The following KANK1 variants were observed in gnomAD, a reference collection of about 807,000 sequenced individuals.
The protein encoded by KANK1 is KN motif and ankyrin repeat domain-containing protein 1.
Under a neutral mutation model 106.2 loss-of-function variants are expected in KANK1, and 109 were observed. The observed-to-expected ratio is 1.03, with a 90% confidence interval of 0.88 to 1.20. The LOEUF (loss-of-function observed/expected upper bound fraction) is 1.20, where lower values mean the gene tolerates loss of function less well. Ranked by LOEUF, KANK1 falls within the 50% of genes most tolerant of loss-of-function variation. The probability of loss-of-function intolerance (pLI) is 0.00; values close to 1 mark genes in which losing one functional copy is unlikely to be tolerated. For synonymous variants in KANK1, 873 were observed against 652.2 expected, an observed-to-expected ratio of 1.34 and a Z score of -5.16; for missense variants, 2,399 against 1,710.7, an observed-to-expected ratio of 1.40 and a Z score of -7.10.
At chr9:650,528 G>C (rs943663216) in intron 1 of KANK1, among the ~76,000 whole-genome samples, 2 of 152,184 alleles carry the variant, frequency 1.3e-5, no homozygotes, top group African/African-American at 4.8e-5. Flanking sequence ...TGCTGGTGCT[G>C]CTGGACCACA....
At chr9:607,579 G>A (rs974851296) in intron 1 of KANK1, among the ~76,000 whole-genome samples, 15 of 150,612 alleles carry the variant, frequency 1.0e-4, no homozygotes, top group African/African-American at 3.7e-4. Context: ...TTCTTGTGCA[G>A]ATTCCTGCTC....
chr9:534,863 A>C (rs1301515362), intron 1 of KANK1, among the ~76,000 whole-genome samples: 1 of 152,224 alleles, frequency 6.6e-6, no homozygotes, highest in Non-Finnish European at 1.5e-5. Flanking sequence ...AATTTTGCCC[A>C]TGTGGGAACA....
chr9:742,464 C>A, intron 10 of KANK1, 59 bp downstream of exon 10: 2 of 1,394,890 alleles, frequency 1.4e-6, no homozygotes, highest in Non-Finnish European at 2.0e-6. Context: ...GACGGGAGCT[C>A]TGGGAGTGCC....
At chr9:666,894 T>C (rs541733884) in intron 1 of KANK1, among the ~76,000 whole-genome samples, 1 of 142,382 alleles carries the variant, frequency 7.0e-6, no homozygotes, top group Non-Finnish European at 1.5e-5. Flanking sequence ...AATTAGCCTA[T>C]TGTTGTCTTT....
Position 738,401 on chromosome 9 carries a change from C to T in KANK1, c.3450C>T (p.Val1150=). ...CTTTTGAGGCCATTTCCCCAGATGT[C>T]CTCCGCTATGTCATCAACTTGGCAG... ...IAAFEAISPD[V]LRYVINLADG... Residue 1150 remains valine, a synonymous_variant, in exon 8 of 12, where the codon GTC becomes GTT. Transcript: ENST00000382297. The T allele has an allele frequency of 1.2e-6, 2 of 1,614,132 alleles. No homozygotes were observed. Among genetic ancestry groups the T allele is most frequent in the South Asian group, 2.2e-5 (2 of 91,076 alleles).
intron 1 of KANK1, among the ~76,000 whole-genome samples, chr9:631,141 T>C (rs1183383007): frequency 1.3e-5 from 2 of 152,168 alleles, no homozygotes; most frequent in African/African-American, 4.8e-5. Flanking sequence ...TTTTGCATTG[T>C]ACCACAAATA....
At chr9:663,526 A>T (rs1843847189) in intron 1 of KANK1, among the ~76,000 whole-genome samples, 1 of 152,250 alleles carries the variant, frequency 6.6e-6, no homozygotes, top group Non-Finnish European at 1.5e-5. Flanking sequence ...TAACTGAAAA[A>T]GAGAAAGTTT....
At chr9:534,588 C>T (rs59746366) in intron 1 of KANK1, among the ~76,000 whole-genome samples, 7,925 of 152,208 alleles carry the variant, frequency 0.052, 645 homozygotes, top group African/African-American at 0.18. Flanking sequence ...TCACTCCTAG[C>T]GTGATTTTTT....
chr9:535,560 A>G (rs2060258657), intron 1 of KANK1, among the ~76,000 whole-genome samples: 1 of 152,206 alleles, frequency 6.6e-6, no homozygotes, highest in Non-Finnish European at 1.5e-5. Flanking sequence ...GGCTAAAATT[A>G]GTAACATGTA....
At chr9:541,047 A>T (rs977289161) in intron 1 of KANK1, among the ~76,000 whole-genome samples, 2 of 152,120 alleles carry the variant, frequency 1.3e-5, no homozygotes, top group African/African-American at 4.8e-5. Flanking sequence ...CTTCCTTAAT[A>T]TAGGAGTTGA....
At chr9:495,456 T>C (rs1314766042) in intron 3 of KANK1, 1 of 152,198 alleles carries the variant, frequency 6.6e-6, no homozygotes, top group Non-Finnish European at 1.5e-5. Context: ...TGGCTGGTTT[T>C]GGTGCTCAAC....
intron 1 of KANK1, among the ~76,000 whole-genome samples, chr9:635,681 A>G (rs1836932665): frequency 7.2e-6 from 1 of 138,882 alleles, no homozygotes; most frequent in African/African-American, 2.7e-5. Flanking sequence ...ATTTACCCAC[A>G]TTCCTTTTTA....
chr9:509,250 A>G (rs1386049239), intron 1 of KANK1, among the ~76,000 whole-genome samples: 1 of 152,134 alleles, frequency 6.6e-6, no homozygotes, highest in East Asian at 1.9e-4. Flanking sequence ...GGCACACGCC[A>G]CCACGCCCAG....
chr9:641,343 G>A (rs1192108900), intron 1 of KANK1, among the ~76,000 whole-genome samples: 1 of 152,176 alleles, frequency 6.6e-6, no homozygotes, highest in Non-Finnish European at 1.5e-5. Context: ...TGAGTTAGAA[G>A]AATCCTCCTT....
At chr9:742,103 C>A (rs1835745379) in intron 9 of KANK1, 102 bp from the exon 10 acceptor site, 1 of 997,770 alleles carries the variant, frequency 1.0e-6, no homozygotes, top group Non-Finnish European at 1.5e-6. Flanking sequence ...TCTTTCCCTT[C>A]TGTCACCACA....
intron 3 of KANK1, among the ~76,000 whole-genome samples, chr9:480,335 A>G (rs766319530): frequency 1.8e-4 from 28 of 152,246 alleles, no homozygotes; most frequent in Non-Finnish European, 4.0e-4. Context: ...AAAATCTCAC[A>G]TGTGAGTACA....
At chr9:481,642 A>G (rs1300498763) in intron 3 of KANK1, among the ~76,000 whole-genome samples, 2 of 152,178 alleles carry the variant, frequency 1.3e-5, no homozygotes, top group South Asian at 4.1e-4. Context: ...AGCATTTCTA[A>G]CTTTGATCTA....
chr9:558,346 A>G (rs1046540088), intron 1 of KANK1, among the ~76,000 whole-genome samples: 1 of 152,254 alleles, frequency 6.6e-6, no homozygotes, highest in South Asian at 2.1e-4. Context: ...TGTGGACATA[A>G]TTAGTGAATA....
intron 3 of KANK1, chr9:478,111 A>G: frequency 4.7e-6 from 1 of 214,508 alleles, no homozygotes; most frequent in Non-Finnish European, 9.4e-6. Context: ...CAAAGCCCTC[A>G]AGGAACCAGA....
Sources: allele counts gnomAD v4.1 joint callset (sites outside exome capture counted in the v4.1 genomes callset), GRCh38; gene constraint gnomAD v4.1.1; transcripts MANE v1.5; gene names NCBI Gene and HGNC (gene_info 2026-07-23, HGNC 2026-07-21).